SLC39A11: variants seen among roughly 807,000 people sequenced by gnomAD.
The protein encoded by SLC39A11 is zinc transporter ZIP11.
SLC39A11 carries 33 observed loss-of-function variants against 36.1 expected under a neutral mutation model. The observed-to-expected ratio is 0.91, with a 90% CI of 0.69 to 1.22. SLC39A11 has a LOEUF of 1.22. SLC39A11 is among the 50% of genes most tolerant of loss of function. SLC39A11 has a pLI of 0.00. For synonymous variants in SLC39A11, 166 were observed against 170.3 expected, an observed-to-expected ratio of 0.97 and a Z score of 0.20; for missense variants, 432 against 430.3, an observed-to-expected ratio of 1.00 and a Z score of -0.03.
rs1434800111 is a variant in SLC39A11 at position 72,648,783 on chromosome 17, G to A, written c.929+20C>T. ...GCTGGGACTGGGACAGGGACAGACA[G>A]GGAGGGAAGGTTCTCCAACCTGATC... is the stretch of plus-strand genomic sequence containing the variant. On this transcript the variant is annotated intron_variant, in intron 9 of 9. Transcript: ENST00000255559. 1 of 1,614,072 alleles carries A rather than the reference G, an allele frequency of 6.2e-7. No homozygotes were observed. The highest frequency in any genetic ancestry group is 1.7e-5 in the Admixed American group (1 of 60,020).
intron 5 of SLC39A11, among the ~76,000 whole-genome samples, chr17:72,935,050 A>G (rs1397633723): frequency 1.3e-5 from 2 of 152,240 alleles, no homozygotes; most frequent in Non-Finnish European, 2.9e-5. Context: ...ATGTTTACAC[A>G]AAAGCCTGTA....
chr17:73,034,276 G>A (rs1013549199), intron 3 of SLC39A11, among the ~76,000 whole-genome samples: 19 of 152,188 alleles, frequency 1.2e-4, no homozygotes, highest in African/African-American at 4.6e-4. Context: ...AGGCTGGAGT[G>A]CAGTGGTGCA....
chr17:73,031,510 G>A lies in SLC39A11; in HGVS notation c.306+46C>T, dbSNP rs377619498. On this transcript the variant is annotated intron_variant, in intron 4 of 9. Coordinates refer to ENST00000255559, the MANE Select transcript of SLC39A11 (RefSeq NM_139177.4). Reference sequence around the variant, plus strand: ...ATCAGAAATAAATTCATTGCACAGAGCTGGTTGTATCCCGATACGACAGCT... The same window carrying A: ...ATCAGAAATAAATTCATTGCACAGAACTGGTTGTATCCCGATACGACAGCT... The A allele has an allele frequency of 8.2e-5, 131 of 1,601,366 alleles. 1 individual carries two copies. Among genetic ancestry groups the A allele is most frequent in the Non-Finnish European group, 1.0e-4 (120 of 1,169,166 alleles).
intron 4 of SLC39A11, among the ~76,000 whole-genome samples, chr17:73,021,569 T>C (rs1280030921): frequency 6.6e-6 from 1 of 152,144 alleles, no homozygotes; most frequent in Non-Finnish European, 1.5e-5. Flanking sequence ...CATGAATTCC[T>C]GCCCAGCTCT....
intron 7 of SLC39A11, among the ~76,000 whole-genome samples, chr17:72,702,499 A>T (rs571224248): frequency 1.9e-3 from 285 of 152,326 alleles, no homozygotes; most frequent in African/African-American, 6.5e-3. Flanking sequence ...CAACAGTGCC[A>T]AGTTCTAGAG....
intron 6 of SLC39A11, among the ~76,000 whole-genome samples, chr17:72,772,807 G>T (rs1346177173): frequency 6.6e-6 from 1 of 152,168 alleles, no homozygotes; most frequent in Non-Finnish European, 1.5e-5. Flanking sequence ...GCACAGGCTG[G>T]GCGCAGTGGC....
Position 73,044,075 on chromosome 17 carries a change from G to A in SLC39A11, c.148-12361C>T, listed in dbSNP as rs910686514. Among the ~76,000 whole-genome samples, 5 of 151,874 alleles carry A rather than the reference G, an allele frequency of 3.3e-5. 1 individual carries two copies. The highest frequency in any genetic ancestry group is 7.3e-5 in the African/African-American group (3 of 41,326). On this transcript the variant is annotated intron_variant, in intron 3 of 9. Coordinates refer to ENST00000255559, the MANE Select transcript of SLC39A11 (RefSeq NM_139177.4). ...GAATGACCTGACTCTTCTTAGCTAC[G>A]CCTACCCAGTGATAATGATGGGCAG...
chr17:72,783,910 G>GC (rs1176973745), intron 6 of SLC39A11, among the ~76,000 whole-genome samples: 2 of 152,288 alleles, frequency 1.3e-5, no homozygotes, highest in East Asian at 3.9e-4. Context: ...AGCCAGGGCA[G>GC]CCAGCCCCCA....
At chr17:72,756,611 G>A (rs1598595937) in intron 6 of SLC39A11, among the ~76,000 whole-genome samples, 2 of 152,314 alleles carry the variant, frequency 1.3e-5, no homozygotes, top group South Asian at 2.1e-4. Context: ...GAATGGTGGT[G>A]GCCAGAAGCT....
intron 7 of SLC39A11, among the ~76,000 whole-genome samples, chr17:72,683,013 T>G (rs1429123530): frequency 1.3e-5 from 2 of 152,240 alleles, no homozygotes; most frequent in African/African-American, 4.8e-5. Context: ...TGAGTCCTCC[T>G]GCAAACTGGC....
intron 7 of SLC39A11, among the ~76,000 whole-genome samples, chr17:72,660,581 TA>T (rs1393356916): frequency 1.3e-5 from 2 of 152,222 alleles, no homozygotes; most frequent in African/African-American, 2.4e-5. Context: ...CATATGGAGA[TA>T]GGGGCGGACG....
At chr17:73,026,919 A>G (rs1196049283) in intron 4 of SLC39A11, among the ~76,000 whole-genome samples, 1 of 152,008 alleles carries the variant, frequency 6.6e-6, no homozygotes, top group Admixed American at 6.6e-5. Context: ...GGAGTTCAAG[A>G]CTAGCCCGGG....
intron 5 of SLC39A11, among the ~76,000 whole-genome samples, chr17:72,904,984 G>A (rs143309216): frequency 0.012 from 1,829 of 151,180 alleles, 31 homozygotes; most frequent in African/African-American, 0.043. Flanking sequence ...CCATCCTGGC[G>A]AACATGGTGA....
intron 6 of SLC39A11, among the ~76,000 whole-genome samples, chr17:72,789,279 C>T (rs772022699): frequency 1.3e-5 from 2 of 152,138 alleles, no homozygotes; most frequent in African/African-American, 4.8e-5. Flanking sequence ...GTGATCCGCC[C>T]GCCTAGGCCT....
At chr17:72,967,245 T>C (rs745373327) in intron 4 of SLC39A11, among the ~76,000 whole-genome samples, 4 of 152,066 alleles carry the variant, frequency 2.6e-5, no homozygotes, top group East Asian at 1.9e-4. Context: ...TGTAGAAAAA[T>C]TGTCTTCCAT....
chr17:72,862,362 C>G (rs4969068), intron 5 of SLC39A11, among the ~76,000 whole-genome samples: 6 of 151,938 alleles, frequency 3.9e-5, no homozygotes, highest in African/African-American at 1.5e-4. Context: ...AAAAATAAAT[C>G]AGAAATCAAA....
At chr17:72,698,058 T>C (rs2072400024) in intron 7 of SLC39A11, among the ~76,000 whole-genome samples, 1 of 152,230 alleles carries the variant, frequency 6.6e-6, no homozygotes, top group Non-Finnish European at 1.5e-5. Context: ...AAACGCCTTG[T>C]TCTACGCGGG....
At chr17:72,721,968 C>CAAAAAA (rs11399362) in intron 7 of SLC39A11, among the ~76,000 whole-genome samples, 15,910 of 104,074 alleles carry the variant, frequency 0.15, 1,243 homozygotes, top group Non-Finnish European at 0.16. Context: ...GCCTCCATCT[C>CAAAAAA]AAAAAAAAAA....
intron 6 of SLC39A11, among the ~76,000 whole-genome samples, chr17:72,749,586 C>G (rs1373087525): frequency 6.6e-6 from 1 of 152,182 alleles, no homozygotes; most frequent in Admixed American, 6.5e-5. Context: ...TTTCCCAAGA[C>G]AAGCCTATTT....
Sources: allele counts gnomAD v4.1 joint callset (sites outside exome capture counted in the v4.1 genomes callset), GRCh38; gene constraint gnomAD v4.1.1; transcripts MANE v1.5; gene names NCBI Gene and HGNC (gene_info 2026-07-23, HGNC 2026-07-21).